BRI3BP: variants seen among roughly 807,000 people sequenced by gnomAD.
The protein encoded by BRI3BP is BRI3-binding protein.
In BRI3BP, 7 loss-of-function variants were observed where a neutral mutation model predicts 15.8. The ratio of observed to expected loss-of-function variants is 0.44; its 90% CI spans 0.25 to 0.83. The LOEUF is 0.83. BRI3BP is among the 40% of genes least tolerant of loss of function. The probability of loss-of-function intolerance (pLI) is 0.20; values close to 1 mark genes in which losing one functional copy is unlikely to be tolerated. For missense variants in BRI3BP, 320 were observed against 339.3 expected (o/e 0.94, Z 0.45); for synonymous variants, 192 against 163.5 (o/e 1.17, Z -1.33).
rs574884755 is a variant in BRI3BP at position 124,993,835 on chromosome 12, C to G, written c.45C>G (p.Leu15=). The G allele has an allele frequency of 3.5e-6, 4 of 1,148,736 alleles. No individual in the cohort carries two copies. Among genetic ancestry groups the G allele is most frequent in the African/African-American group, 1.7e-5 (1 of 59,620 alleles). The allele number at this position is 1,148,736 out of a possible 1,614,324, so 71.2% of individuals were successfully genotyped here. A position where few individuals can be genotyped will look rare whatever the true frequency, so the allele number is the denominator to read the frequency against. Residue 15 remains leucine (L), a synonymous_variant, in exon 1 of 3, where the codon CTC becomes CTG. Coordinates refer to ENST00000341446, the MANE Select transcript of BRI3BP (RefSeq NM_080626.6). ...ASGGPLARAG[L]LLLLLLLLLL... The stretch of plus-strand genomic sequence containing the variant: ...GCGGGCCCCTGGCCCGGGCCGGGCT[C>G]CTGCTGCTGCTGCTGCTGCTGCTGC...
At chr12:125,016,827 T>TTTTTTTTTTTTC (rs1955249467) in intron 2 of BRI3BP, among the ~76,000 whole-genome samples, 3 of 13,166 alleles carry the variant, frequency 2.3e-4, no homozygotes. Flanking sequence ...CGCCCAGCCT[T>TTTTTTTTTTTTC]TTTTTTTTTT....
chr12:125,038,595 GTC>G, the BRI3BP span, among the ~76,000 whole-genome samples: 6 of 151,634 alleles, frequency 4.0e-5, no homozygotes, highest in African/African-American at 1.5e-4. Context: ...GAGAAACCCC[GTC>G]TCTACTAAAA....
intron 2 of BRI3BP, among the ~76,000 whole-genome samples, chr12:125,017,033 T>C (rs1442046733): frequency 2.0e-5 from 3 of 150,748 alleles, no homozygotes; most frequent in Middle Eastern, 3.4e-3. Flanking sequence ...TTTTTTTTTT[T>C]CTGAGACCGA....
the BRI3BP span, among the ~76,000 whole-genome samples, chr12:125,045,969 A>G: frequency 1.3e-5 from 2 of 152,056 alleles, no homozygotes; most frequent in Non-Finnish European, 2.9e-5. Context: ...GTTCAAGACC[A>G]GCCTGGCCAA....
At chr12:124,996,979 T>G (rs1432885042) in intron 1 of BRI3BP, among the ~76,000 whole-genome samples, 3 of 151,486 alleles carry the variant, frequency 2.0e-5, no homozygotes. Context: ...CAGGCTGGTT[T>G]CGAACTCCTG....
intron 1 of BRI3BP, among the ~76,000 whole-genome samples, chr12:125,010,002 T>C (rs2135992386): frequency 6.6e-6 from 1 of 152,034 alleles, no homozygotes; most frequent in East Asian, 1.9e-4. Flanking sequence ...CTCAGGAGGC[T>C]GAAGCAGGAG....
At chr12:125,047,746 C>T in the BRI3BP span, among the ~76,000 whole-genome samples, 8 of 151,842 alleles carry the variant, frequency 5.3e-5, no homozygotes, top group South Asian at 2.1e-4. Context: ...GCCCAGGCTG[C>T]GGTGCAGTGG....
intron 1 of BRI3BP, among the ~76,000 whole-genome samples, chr12:125,009,033 T>C (rs944041157): frequency 2.0e-5 from 3 of 151,840 alleles, no homozygotes; most frequent in Non-Finnish European, 4.4e-5. Context: ...TGGAGTGCAA[T>C]GGCGTGATCT....
At chr12:125,050,729 A>C in the BRI3BP span, among the ~76,000 whole-genome samples, 4 of 152,220 alleles carry the variant, frequency 2.6e-5, no homozygotes, top group African/African-American at 9.6e-5. Flanking sequence ...GGAGTGGAGA[A>C]TGTGGGTGCT....
chr12:124,999,372 C>A (rs981064625), intron 1 of BRI3BP, among the ~76,000 whole-genome samples: 8 of 152,116 alleles, frequency 5.3e-5, no homozygotes, highest in Admixed American at 5.2e-4. Context: ...TATAGATCTG[C>A]TCCCTATTGT....
chr12:125,032,552 G>A (rs1312165019), downstream of BRI3BP, among the ~76,000 whole-genome samples: 1 of 152,192 alleles, frequency 6.6e-6, no homozygotes, highest in Non-Finnish European at 1.5e-5. Context: ...TGAATCGCTC[G>A]AGTCCAGGAG....
chr12:125,017,909 G>A (rs146484850), intron 2 of BRI3BP, among the ~76,000 whole-genome samples: 76 of 152,314 alleles, frequency 5.0e-4, no homozygotes, highest in African/African-American at 1.5e-3. Context: ...CCCTGTCCTA[G>A]CTGTGGGACC....
At chr12:125,024,903 A>G (rs1050460426) in intron 2 of BRI3BP, 88 bp from the exon 3 acceptor site, 17 of 1,254,276 alleles carry the variant, frequency 1.4e-5, no homozygotes, top group Non-Finnish European at 1.9e-5. Context: ...TTTAAGCCCC[A>G]CAGGCCAGCT....
chr12:125,049,847 C>G, the BRI3BP span, among the ~76,000 whole-genome samples: 2 of 141,834 alleles, frequency 1.4e-5, no homozygotes, highest in African/African-American at 2.5e-5. Context: ...CTCCGCCGCC[C>G]GGGCGTTGGG....
At chr12:125,000,465 C>G (rs1955080560) in intron 1 of BRI3BP, among the ~76,000 whole-genome samples, 1 of 152,032 alleles carries the variant, frequency 6.6e-6, no homozygotes, top group Non-Finnish European at 1.5e-5. Context: ...AGACGCCCAC[C>G]ACCACGCCCG....
chr12:125,045,687 T>C, the BRI3BP span, among the ~76,000 whole-genome samples: 1 of 152,204 alleles, frequency 6.6e-6, no homozygotes, highest in East Asian at 1.9e-4. Context: ...CTGTCAGACT[T>C]ATGTGTAAAA....
At chr12:125,031,574 A>ATTTTTTTTTTTTTTT (rs367625363), downstream of BRI3BP, among the ~76,000 whole-genome samples, 2 of 84,244 alleles carry the variant, frequency 2.4e-5, no homozygotes, top group African/African-American at 5.2e-5. Context: ...TTTTCTTTCT[A>ATTTTTTTTTTTTTTT]TTTTTTTTTT....
the BRI3BP span, among the ~76,000 whole-genome samples, chr12:125,048,344 C>T: frequency 6.6e-6 from 1 of 152,140 alleles, no homozygotes; most frequent in African/African-American, 2.4e-5. Context: ...CAAGGTGGCC[C>T]AACCTAAGTA....
At chr12:125,032,834 CGAG>C (rs899274583), downstream of BRI3BP, among the ~76,000 whole-genome samples, 2 of 152,060 alleles carry the variant, frequency 1.3e-5, no homozygotes, top group African/African-American at 4.8e-5. Flanking sequence ...CACCATAGGC[CGAG>C]GAGGAGGAGG....
Sources: allele counts gnomAD v4.1 joint callset (sites outside exome capture counted in the v4.1 genomes callset), GRCh38; gene constraint gnomAD v4.1.1; transcripts MANE v1.5; gene names NCBI Gene and HGNC (gene_info 2026-07-23, HGNC 2026-07-21).